TIMP2: variants seen among roughly 807,000 people sequenced by gnomAD.
TIMP2 encodes metalloproteinase inhibitor 2.
TIMP2 carries 5 observed loss-of-function variants against 24.3 expected under a neutral mutation model. The observed-to-expected ratio is 0.21, with a 90% CI of 0.11 to 0.43. TIMP2 has a LOEUF of 0.43. TIMP2 is among the 20% of genes least tolerant of loss of function. The pLI is 1.00. For synonymous variants in TIMP2, 130 were observed against 123.2 expected, an observed-to-expected ratio of 1.06 and a Z score of -0.37; for missense variants, 221 against 297.5, an observed-to-expected ratio of 0.74 and a Z score of 1.89.
chr17:78,870,665 T>C (rs1245755003), intron 3 of TIMP2, among the ~76,000 whole-genome samples: 1 of 151,992 alleles, frequency 6.6e-6, no homozygotes, highest in African/African-American at 2.4e-5. Flanking sequence ...AAGGCAAAAA[T>C]GCTCCCTTTT....
At position 78,891,669 on chromosome 17, in the gene TIMP2, T is replaced by G; in HGVS notation, c.131-17750A>C. On this transcript the variant is annotated intron_variant, in intron 1 of 4. Transcript: ENST00000262768. This position sits in a 1 kb window ranked among gnomAD's most constrained non-coding sequence, Gnocchi z 4.5. ...CAAACTGCCCCCTTTCCCAGTTGCCTCCTCCCCGCCCGAGCTGTTCCTTTC... is the reference window on the plus strand; with the variant it reads ...CAAACTGCCCCCTTTCCCAGTTGCCGCCTCCCCGCCCGAGCTGTTCCTTTC... 6.4e-7 allele frequency: 1 copy of G among 1,551,038 alleles called. No homozygotes were observed. Among genetic ancestry groups the G allele is most frequent in the Non-Finnish European group, 8.7e-7 (1 of 1,147,102 alleles).
rs9892684 is a variant in TIMP2, at chr17:78,878,340, G to C, written c.131-4421C>G. Among the ~76,000 whole-genome samples, 585 of 152,286 alleles carry C rather than the reference G, an allele frequency of 3.8e-3. 5 individuals carry two copies. The highest frequency in any genetic ancestry group is 0.013 in the African/African-American group (548 of 41,540). On this transcript the variant is annotated intron_variant, in intron 1 of 4. Transcript: ENST00000262768. ...AGACAGAGACGATGACAACAGTCTTGACACTTCACAAGGTCGTGGTGACTG... is the reference window on the plus strand; with the variant it reads ...AGACAGAGACGATGACAACAGTCTTCACACTTCACAAGGTCGTGGTGACTG...
In TIMP2 at chr17:78,870,427, AAGAAAG is replaced by A. The variant is rs1567993575; in HGVS notation, c.340+465_340+470del. On this transcript the variant is annotated intron_variant, in intron 3 of 4. Transcript: ENST00000262768. ...CGACACTCTGTCTCAAAAAAAAAGA[AAGAAAG>A]AAAGAAAGAAAGAAAGAAAATGGTT... Among the ~76,000 whole-genome samples the A allele has an allele frequency of 2.7e-3, 28 of 10,418 alleles. 7 individuals are homozygous for A. Among genetic ancestry groups the A allele is most frequent in the Non-Finnish European group, 6.4e-3 (19 of 2,986 alleles). The allele number at this position is 10,418 out of a possible 152,430, so 6.8% of individuals were successfully genotyped here. A position where few individuals can be genotyped will look rare whatever the true frequency, so the allele number is the denominator to read the frequency against.
At chr17:78,904,863 G>A (rs2070143297) in intron 1 of TIMP2, 2 of 152,284 alleles carry the variant, frequency 1.3e-5, no homozygotes, top group African/African-American at 2.4e-5. Flanking sequence ...GGACATCCAG[G>A]CTGGGCGCGG....
chr17:78,880,304 T>C (rs2069768088), intron 1 of TIMP2, among the ~76,000 whole-genome samples: 1 of 152,128 alleles, frequency 6.6e-6, no homozygotes, highest in Non-Finnish European at 1.5e-5. Flanking sequence ...CCAATCCTCC[T>C]GTGTCCACAG....
In TIMP2 at chr17:78,874,225, T is replaced by A. The variant is rs1180340247; in HGVS notation, c.131-306A>T. ...GTGACCAAGGCAGTTTCTGTAACAG[T>A]GGGAGGCAGTCATTGATTTGACTGA... On this transcript the variant is annotated intron_variant, in intron 1 of 4. Coordinates refer to ENST00000262768, the MANE Select transcript of TIMP2 (RefSeq NM_003255.5). The A allele has an allele frequency of 1.1e-5, 4 of 353,230 alleles. No individual in the cohort carries two copies. In the East Asian group the frequency reaches 2.2e-4, roughly 20 times the overall value. 21.9% of individuals were successfully genotyped at this position (353,230 alleles called of 1,614,324 possible). A position where few individuals can be genotyped will look rare whatever the true frequency, so the allele number is the denominator to read the frequency against.
At chr17:78,880,246 G>A (rs918456451) in intron 1 of TIMP2, among the ~76,000 whole-genome samples, 2 of 152,166 alleles carry the variant, frequency 1.3e-5, no homozygotes, top group Non-Finnish European at 2.9e-5. Flanking sequence ...CCATCAACAC[G>A]TGGGTCCTGC....
chr17:78,901,851 G>A (rs1306075350), intron 1 of TIMP2: 1 of 705,704 alleles, frequency 1.4e-6, no homozygotes, highest in Non-Finnish European at 2.6e-6. Flanking sequence ...GAAGCTGACA[G>A]GAGGGCAGGA....
Position 78,924,586 on chromosome 17 carries a change from C to T in TIMP2, c.130+373G>A, listed in dbSNP as rs73393730. ...CTGCGAAAGTTTCTTCCTGGGGTCC[C>T]CAGTCCTCCAGCCCCCCGCCCCCAC... On this transcript the variant is annotated intron_variant, in intron 1 of 4. Transcript: ENST00000262768. This position sits in a 1 kb window ranked among gnomAD's most constrained non-coding sequence, Gnocchi z 5.3. Among the ~76,000 whole-genome samples, 2,475 of 152,224 alleles carry T rather than the reference C, an allele frequency of 0.016. 68 individuals are homozygous for T. Among genetic ancestry groups the T allele is most frequent in the African/African-American group, 0.056 (2,313 of 41,550 alleles).
intron 1 of TIMP2, among the ~76,000 whole-genome samples, chr17:78,908,543 G>C (rs978238452): frequency 2.0e-5 from 3 of 152,008 alleles, no homozygotes; most frequent in Non-Finnish European, 1.5e-5. Flanking sequence ...CCAGAGACTC[G>C]AGCCAGGATC....
chr17:78,917,145 G>C (rs1354657265), intron 1 of TIMP2, among the ~76,000 whole-genome samples: 3 of 151,710 alleles, frequency 2.0e-5, no homozygotes, highest in African/African-American at 7.3e-5. Context: ...CCAGCTACTT[G>C]GGAGGCTGAG....
intron 3 of TIMP2, among the ~76,000 whole-genome samples, chr17:78,859,792 G>T (rs1437749410): frequency 1.3e-5 from 2 of 152,024 alleles, no homozygotes; most frequent in Non-Finnish European, 2.9e-5. Flanking sequence ...AGGCATTTGC[G>T]ACTAGTCTGG....
chr17:78,922,763 G>A (rs139703666), intron 1 of TIMP2, among the ~76,000 whole-genome samples: 1,741 of 152,204 alleles, frequency 0.011, 31 homozygotes, highest in African/African-American at 0.04. Flanking sequence ...AGGCTGCAGC[G>A]AGCCGAGATT....
intron 1 of TIMP2, among the ~76,000 whole-genome samples, chr17:78,910,529 C>T (rs12942185): frequency 0.53 from 79,933 of 152,134 alleles, 21,191 homozygotes; most frequent in Middle Eastern, 0.6. Context: ...ACATGGAACA[C>T]TATAACTCAT....
intron 1 of TIMP2, among the ~76,000 whole-genome samples, chr17:78,912,133 C>T (rs1018085958): frequency 6.6e-6 from 1 of 152,230 alleles, no homozygotes; most frequent in South Asian, 2.1e-4. Context: ...GAAGAGGAAA[C>T]CAAGGCTCAG....
chr17:78,905,701 G>A (rs1477079355), intron 1 of TIMP2, among the ~76,000 whole-genome samples: 1 of 152,252 alleles, frequency 6.6e-6, no homozygotes. Flanking sequence ...GCCTTGGCAA[G>A]CTCTAGAAGG....
At chr17:78,872,859 C>T (rs769170078) in intron 2 of TIMP2, among the ~76,000 whole-genome samples, 1 of 150,832 alleles carries the variant, frequency 6.6e-6, no homozygotes, top group South Asian at 2.1e-4. Context: ...GATGGAGTTT[C>T]GCTCTTGTCG....
At chr17:78,909,571 G>A (rs2070189785) in intron 1 of TIMP2, among the ~76,000 whole-genome samples, 1 of 137,232 alleles carries the variant, frequency 7.3e-6, no homozygotes, top group African/African-American at 2.8e-5. Context: ...TGGCCATGGT[G>A]CAGCTGGACC....
chr17:78,854,825 G>A lies in TIMP2; in HGVS notation c.*842C>T, dbSNP rs917307968. 2 of 152,030 alleles carry A rather than the reference G, an allele frequency of 1.3e-5. No homozygotes were observed. Among genetic ancestry groups the A allele is most frequent in the African/African-American group, 4.8e-5 (2 of 41,278 alleles). 9.4% of individuals were successfully genotyped at this position (152,030 alleles called of 1,614,324 possible). A position where few individuals can be genotyped will look rare whatever the true frequency, so the allele number is the denominator to read the frequency against. On this transcript the variant is annotated 3_prime_UTR_variant, in exon 5 of 5. Coordinates refer to ENST00000262768, the MANE Select transcript of TIMP2 (RefSeq NM_003255.5). ...GCAAGAAGCAATGGCAACCGCAGCA[G>A]CTAGGGAAGGGACCTTGAGGGCAGC... is the stretch of plus-strand genomic sequence containing the variant.
Sources: gnomAD v4.1 joint callset for allele counts (sites outside exome capture counted in the v4.1 genomes callset) on GRCh38, gnomAD v4.1.1 for gene constraint, Gnocchi (gnomAD v3.1) non-coding constraint, MANE v1.5 for transcripts, NCBI Gene and HGNC (gene_info 2026-07-23, HGNC 2026-07-21) for gene names.